The following HTRA3 variants were observed in gnomAD, a reference collection of about 807,000 sequenced individuals.
The protein encoded by HTRA3 is HtrA serine peptidase 3, also known as serine protease HTRA3.
A neutral mutation model predicts 43.2 loss-of-function variants in HTRA3; 41 were observed. That is an observed-to-expected ratio of 0.95 (90% CI 0.74 to 1.23). The LOEUF (loss-of-function observed/expected upper bound fraction) is 1.23, where lower values mean the gene tolerates loss of function less well. HTRA3 is among the 50% of genes most tolerant of loss of function. The pLI is 0.00. For synonymous variants in HTRA3, 295 were observed against 287.9 expected, an observed-to-expected ratio of 1.02 and a Z score of -0.25; for missense variants, 628 against 647.1, an observed-to-expected ratio of 0.97 and a Z score of 0.32.
At chr4:8,280,970 A>G (rs2153004534) in intron 1 of HTRA3, among the ~76,000 whole-genome samples, 1 of 152,304 alleles carries the variant, frequency 6.6e-6, no homozygotes, top group East Asian at 1.9e-4. Context: ...CACCCAGGGA[A>G]AGGAGGCCTG....
chr4:8,303,286 C>T (rs760208787), intron 7 of HTRA3, among the ~76,000 whole-genome samples: 9 of 152,222 alleles, frequency 5.9e-5, no homozygotes, highest in Non-Finnish European at 8.8e-5. Context: ...GACCGCCCCA[C>T]CCCATCCTGC....
chr4:8,284,327 G>A (rs1712875719), intron 2 of HTRA3, among the ~76,000 whole-genome samples: 1 of 152,208 alleles, frequency 6.6e-6, no homozygotes, highest in Non-Finnish European at 1.5e-5. Context: ...AGGTAGGGAT[G>A]GGGGCAGCAT....
intron 6 of HTRA3, among the ~76,000 whole-genome samples, chr4:8,294,415 G>T (rs62286499): frequency 6.6e-6 from 1 of 151,428 alleles, no homozygotes; most frequent in African/African-American, 2.4e-5. Flanking sequence ...GCCTATCATC[G>T]ATTCGTGATC....
intron 1 of HTRA3, among the ~76,000 whole-genome samples, chr4:8,277,107 G>C (rs938156526): frequency 2.6e-5 from 4 of 152,212 alleles, no homozygotes; most frequent in Admixed American, 6.5e-5. Flanking sequence ...AGGTCTCTGG[G>C]CTTGAGGGTG....
In HTRA3 at chr4:8,291,548, C is replaced by G; in HGVS notation, c.887C>G (p.Thr296Arg). 4 of 1,593,936 alleles carry G rather than the reference C, an allele frequency of 2.5e-6. No individual in the cohort carries two copies. Among genetic ancestry groups the G allele is most frequent in the Non-Finnish European group, 3.4e-6 (4 of 1,168,284 alleles). The stretch of plus-strand genomic sequence containing the variant: ...GACTCCGACATGGACTACATCCAGA[C>G]GGATGCCATCATCAACGTGAGTCCC... ...LRDSDMDYIQ[T>R]DAIINYGNSG... The change falls in exon 4 of 9, where the codon ACG (threonine) becomes AGG (arginine). Residue 296 changes from threonine to arginine, a missense_variant. Transcript: ENST00000307358.
At chr4:8,294,224 G>A (rs766594461) in intron 6 of HTRA3, 23 bp downstream of exon 6, 9 of 1,544,166 alleles carry the variant, frequency 5.8e-6, no homozygotes, top group Non-Finnish European at 8.9e-7. Flanking sequence ...CCTGGAGGGG[G>A]CCAGAGGCAG....
At position 8,304,222 on chromosome 4, in the gene HTRA3, C is replaced by T; in HGVS notation, c.1139C>T (p.Pro380Leu). ...DELKASNPDF[P>L]EVSSGIYVQE... ...CTGAAGGCCAGCAACCCGGACTTCCCAGAGGTCAGCAGTGGAATTTATGTG... is the reference window on the plus strand; with the variant it reads ...CTGAAGGCCAGCAACCCGGACTTCCTAGAGGTCAGCAGTGGAATTTATGTG... Residue 380 changes from proline (P) to leucine (L), a missense_variant, in exon 8 of 9, where the codon CCA becomes CTA. Coordinates refer to ENST00000307358, the MANE Select transcript of HTRA3 (RefSeq NM_053044.5). The T allele has an allele frequency of 1.2e-6, 2 of 1,614,188 alleles. No individual in the cohort carries two copies. The highest frequency in any genetic ancestry group is 1.7e-6 in the Non-Finnish European group (2 of 1,180,030).
At position 8,296,992 on chromosome 4, in the gene HTRA3, C is replaced by T. The variant is rs570627723; in HGVS notation, c.1051+2791C>T. ...CACAGGGTCCTGTGGTCTCAAAAAC[C>T]GTAAGTTTCCCTGGTCTCAGAGTTC... On this transcript the variant is annotated intron_variant, in intron 6 of 8. Transcript: ENST00000307358. The surrounding 1 kb of genome is among the most constrained non-coding windows in gnomAD (Gnocchi z 5.3). 4.6e-5 allele frequency among the ~76,000 whole-genome samples: 7 copies of T among 152,142 alleles called. No homozygotes were observed. The South Asian group carries it at 1.0e-3, about 23-fold the overall frequency.
rs779756434 is a variant in HTRA3 at position 8,291,488 on chromosome 4, C to G, written c.827C>G (p.Thr276Ser). The stretch of plus-strand genomic sequence containing the variant: ...ACAGTGACAACGGGCATCGTCAGCA[C>G]TGCCCAGCGGGAGGGCAGGGAGCTG... ...QNTVTTGIVS[T>S]AQREGRELGL... The change falls in exon 4 of 9, where the codon ACT becomes AGT. Residue 276 changes from threonine to serine, a missense_variant. By Grantham distance (58) the Thr-to-Ser change is moderately conservative. Transcript: ENST00000307358. 5.0e-6 allele frequency: 8 copies of G among 1,612,866 alleles called. No homozygotes were observed. Among genetic ancestry groups the G allele is most frequent in the African/African-American group, 1.3e-5 (1 of 74,952 alleles).
At chr4:8,303,567 AG>A (rs1325613270) in intron 7 of HTRA3, among the ~76,000 whole-genome samples, 1 of 152,242 alleles carries the variant, frequency 6.6e-6, no homozygotes, top group Admixed American at 6.5e-5. Flanking sequence ...CAAAGCACAC[AG>A]TCCCTAAAGC....
intron 6 of HTRA3, among the ~76,000 whole-genome samples, chr4:8,302,164 G>A (rs1713676946): frequency 6.6e-6 from 1 of 152,220 alleles, no homozygotes; most frequent in African/African-American, 2.4e-5. Flanking sequence ...CTGGGGTTGG[G>A]TTGGAGCTCA....
At chr4:8,301,033 TGATTCACACTCTCAGCTTTATTATC>T (rs1224849919) in intron 6 of HTRA3, among the ~76,000 whole-genome samples, 3 of 137,804 alleles carry the variant, frequency 2.2e-5, no homozygotes, top group African/African-American at 7.5e-5. Flanking sequence ...TCTTTATTAT[TGATTCACACTCTCAGCTTTATTATC>T]GATTCACACT....
intron 5 of HTRA3, among the ~76,000 whole-genome samples, chr4:8,292,722 T>C (rs931161851): frequency 2.0e-5 from 3 of 152,170 alleles, no homozygotes; most frequent in Admixed American, 2.0e-4. Flanking sequence ...CCCAGTTGTG[T>C]CTTGAGCCTC....
intron 3 of HTRA3, among the ~76,000 whole-genome samples, chr4:8,290,055 T>C (rs1054733891): frequency 3.9e-5 from 6 of 152,222 alleles, no homozygotes; most frequent in Admixed American, 6.5e-5. Flanking sequence ...TTCTGCCTCT[T>C]CGGCCGGTCA....
Position 8,304,679 on chromosome 4 carries a change from C to T in HTRA3, c.1196+400C>T, listed in dbSNP as rs546014432. On this transcript the variant is annotated intron_variant, in intron 8 of 8. Coordinates refer to ENST00000307358, the MANE Select transcript of HTRA3 (RefSeq NM_053044.5). ...TTTTTTTTTTTTTTTTTTTTTGAGA[C>T]AGTCTCCCTCTTGTTGCCCAGCCTG... Among the ~76,000 whole-genome samples, 36 of 98,186 alleles carry T rather than the reference C, an allele frequency of 3.7e-4. 1 individual carries two copies. Among genetic ancestry groups the T allele is most frequent in the African/African-American group, 1.3e-3 (30 of 23,958 alleles). The allele number at this position is 98,186 out of a possible 152,430, so 64.4% of individuals were successfully genotyped here.
In HTRA3 at chr4:8,302,599, C is replaced by T. The variant is rs983524475; in HGVS notation, c.1100+88C>T. ...CCTCCAGACCCTGGCTGGCTGTGTTCGGCTCCTTGCAGGTGCCCAGACGGG... is the reference window on the plus strand; with the variant it reads ...CCTCCAGACCCTGGCTGGCTGTGTTTGGCTCCTTGCAGGTGCCCAGACGGG... On this transcript the variant is annotated intron_variant, in intron 7 of 8. Transcript: ENST00000307358. The T allele has an allele frequency of 2.6e-5, 36 of 1,360,126 alleles. No homozygotes were observed. The East Asian group carries it at 5.8e-4, about 22-fold the overall frequency. The allele number at this position is 1,360,126 out of a possible 1,614,324, so 84.3% of individuals were successfully genotyped here.
chr4:8,284,023 C>T lies in HTRA3; in HGVS notation c.485+1487C>T, dbSNP rs190818462. Among the ~76,000 whole-genome samples the T allele has an allele frequency of 8.5e-5, 13 of 152,286 alleles. No individual in the cohort carries two copies. In the East Asian group the frequency reaches 1.7e-3, roughly 20 times the overall value. On this transcript the variant is annotated intron_variant, in intron 2 of 8. Coordinates refer to ENST00000307358, the MANE Select transcript of HTRA3 (RefSeq NM_053044.5). Reference sequence around the variant, plus strand: ...TGCTCCTTGAACAGGGGTGTGAGAGCGCGTGACGGGCATATAGCACCTCAG... The same window carrying T: ...TGCTCCTTGAACAGGGGTGTGAGAGTGCGTGACGGGCATATAGCACCTCAG...
chr4:8,288,486 G>A (rs1224505082), intron 3 of HTRA3, among the ~76,000 whole-genome samples: 1 of 151,876 alleles, frequency 6.6e-6, no homozygotes, highest in East Asian at 1.9e-4. Flanking sequence ...TGTTGGTCAG[G>A]CTGGTCTTGA....
rs146515543 is a variant in HTRA3, at chr4:8,304,275, C to T, written c.1192C>T (p.Gln398Ter). The T allele has an allele frequency of 1.9e-5, 31 of 1,613,502 alleles. No individual in the cohort carries two copies. The African/African-American group carries it at 2.8e-4, about 15-fold the overall frequency. Residue 398 changes from glutamine to a stop codon, truncating the protein, a stop_gained, in exon 8 of 9, where the codon CAG (glutamine) becomes TAG (stop). Coordinates refer to ENST00000307358, the MANE Select transcript of HTRA3 (RefSeq NM_053044.5). LOFTEE classifies it high-confidence loss of function. ...VQEVAPNSPSQRGGIQDGDII... is the reference protein window; with the variant it reads ...VQEVAPNSPS ...AGAGGTTGCGCCGAATTCACCTTCT[C>T]AGAGGTAGGCTCTGCCAGAGGAGAT...
Sources: allele counts gnomAD v4.1 joint callset (sites outside exome capture counted in the v4.1 genomes callset), GRCh38; gene constraint gnomAD v4.1.1; non-coding constraint Gnocchi (gnomAD v3.1); transcripts MANE v1.5; gene names NCBI Gene and HGNC (gene_info 2026-07-23, HGNC 2026-07-21).